The following POLRMT variants were observed in gnomAD, a reference collection of about 807,000 sequenced individuals.
POLRMT encodes the protein RNA polymerase mitochondrial, also known as DNA-directed RNA polymerase, mitochondrial.
In POLRMT, 114 loss-of-function variants were observed where a neutral mutation model predicts 132.2. The ratio of observed to expected loss-of-function variants is 0.86; its 90% CI spans 0.74 to 1.01. The LOEUF is 1.01. Ranked by LOEUF, POLRMT falls within the 50% of genes least tolerant of loss-of-function variation. The probability of loss-of-function intolerance (pLI) is 0.00; values close to 1 mark genes in which losing one functional copy is unlikely to be tolerated. For synonymous variants in POLRMT, 1,020 were observed against 773.4 expected, an observed-to-expected ratio of 1.32 and a Z score of -5.29; for missense variants, 2,003 against 1,729.1, an observed-to-expected ratio of 1.16 and a Z score of -2.81.
chr19:620,267 A>C, intron 11 of POLRMT, 98 bp downstream of exon 11: 1 of 1,461,638 alleles, frequency 6.8e-7, no homozygotes, highest in Non-Finnish European at 9.1e-7. Context: ...CCACCTCCAG[A>C]GAATACCACG....
intron 9 of POLRMT, 21 bp downstream of exon 9, chr19:622,128 C>A: frequency 6.6e-7 from 1 of 1,526,582 alleles, no homozygotes; most frequent in African/African-American, 1.4e-5. Context: ...CCCCCCAGCT[C>A]AGGAGGGCAC....
In POLRMT at chr19:621,028, G is replaced by C; in HGVS notation, c.2640+30C>G. The C allele has an allele frequency of 1.9e-6, 3 of 1,545,992 alleles. 1 individual carries two copies. The South Asian group carries it at 3.6e-5, about 18-fold the overall frequency. On this transcript the variant is annotated intron_variant, in intron 10 of 20. Coordinates refer to ENST00000588649, the MANE Select transcript of POLRMT (RefSeq NM_005035.4). ...GGGGGAGGGCGCGGGGGTGCCGGGA[G>C]GGCGGGGAATGCGGGGGCCCCGCCC...
chr19:620,364 C>G lies in POLRMT; in HGVS notation c.2763+1G>C, dbSNP rs895488686. On this transcript the variant is annotated splice_donor_variant, in intron 11 of 20. Transcript: ENST00000588649. LOFTEE classifies it high-confidence loss of function. ...TCGGGGGCCAGACCCAGCTGGCTCA[C>G]CTGATGGACGGGGAGGTGGGAGACA... 1 of 1,572,796 alleles carries G rather than the reference C, an allele frequency of 6.4e-7. No homozygotes were observed. Among genetic ancestry groups the G allele is most frequent in the Non-Finnish European group, 8.6e-7 (1 of 1,159,990 alleles).
At position 621,347 on chromosome 19, in the gene POLRMT, G is replaced by A. The variant is rs780661424; in HGVS notation, c.2351C>T (p.Ser784Leu). Residue 784 changes from serine (S) to leucine (L), a missense_variant, in exon 10 of 21, where the codon TCG becomes TTG. Transcript: ENST00000588649. ...GCGGTCCCGCAGGTGCTGCGCCAGC[G>A]AGAGGCGGTACAGCGCCTCCGCCCG... Reference protein sequence around the residue: ...SLRAEALYRLSLAQHLRDRVF... With the variant: ...SLRAEALYRLLLAQHLRDRVF... 13 of 1,584,042 alleles carry A rather than the reference G, an allele frequency of 8.2e-6. No homozygotes were observed. Among genetic ancestry groups the A allele is most frequent in the Non-Finnish European group, 1.1e-5 (13 of 1,173,038 alleles).
In POLRMT at chr19:633,439, A is replaced by G. The variant is rs745877373; in HGVS notation, c.74T>C (p.Leu25Pro). ...RALRPCGRPG[L>P]PGKEGTAGGV... is the part of the protein sequence containing the mutation. ...CTTTGTGTTACCTTCTTTGCCGGGG[A>G]GTCCCGGGCGGCCGCAAGGCCGTAG... Residue 25 changes from leucine to proline, a missense_variant, in exon 1 of 21, where the codon CTC (leucine) becomes CCC (proline). Coordinates refer to ENST00000588649, the MANE Select transcript of POLRMT (RefSeq NM_005035.4). 3.8e-5 allele frequency: 59 copies of G among 1,552,614 alleles called. No homozygotes were observed. In the African/African-American group the frequency reaches 6.8e-4, roughly 18 times the overall value.
chr19:632,122 G>C (rs1035565668), intron 2 of POLRMT, among the ~76,000 whole-genome samples: 1 of 148,952 alleles, frequency 6.7e-6, no homozygotes, highest in African/African-American at 2.4e-5. Context: ...CAAAAGTGCT[G>C]GGAGTACAGG....
At chr19:628,196 C>T (rs1336507683) in intron 3 of POLRMT, among the ~76,000 whole-genome samples, 5 of 152,170 alleles carry the variant, frequency 3.3e-5, no homozygotes, top group Admixed American at 1.3e-4. Context: ...CTTCTGGGCT[C>T]GTGCTAAGAG....
chr19:622,964 G>C lies in POLRMT; in HGVS notation c.1312C>G (p.Arg438Gly). The part of the protein sequence containing the change: ...KHARKTLKTL[R>G]DQWEKALCRA... ...CACAGTGCTTTCTCCCATTGGTCCC[G>C]CAGGGTCTTCAGGGTCTTCCGCTGC... Residue 438 changes from arginine to glycine, a missense_variant, in exon 7 of 21, where the codon CGG (arginine) becomes GGG (glycine). Transcript: ENST00000588649. The C allele has an allele frequency of 2.5e-6, 4 of 1,612,742 alleles. No homozygotes were observed. Among genetic ancestry groups the C allele is most frequent in the Non-Finnish European group, 3.4e-6 (4 of 1,179,852 alleles).
intron 3 of POLRMT, among the ~76,000 whole-genome samples, chr19:626,898 C>CACACACACACACAT (rs371959370): frequency 6.8e-5 from 10 of 146,702 alleles, no homozygotes; most frequent in South Asian, 6.4e-4. Flanking sequence ...CACACACACA[C>CACACACACACACAT]ATATATATAT....
rs762074451 is a variant in POLRMT at position 633,522 on chromosome 19, C to G, written c.-10G>C. The stretch of plus-strand genomic sequence containing the variant: ...AGCAAAGTGCCGACATTACGCACGC[C>G]GCTCCAGGCCACCCCACCGGCCCGC... On this transcript the variant is annotated 5_prime_UTR_variant, in exon 1 of 21. Coordinates refer to ENST00000588649, the MANE Select transcript of POLRMT (RefSeq NM_005035.4). The G allele has an allele frequency of 1.4e-6, 2 of 1,452,676 alleles. No homozygotes were observed. Among genetic ancestry groups the G allele is most frequent in the South Asian group, 1.8e-5 (1 of 56,094 alleles). The allele number at this position is 1,452,676 out of a possible 1,614,324, so 90.0% of individuals were successfully genotyped here.
In POLRMT at chr19:617,837, G is replaced by T. The variant is rs75913143; in HGVS notation, c.3435C>A (p.Thr1145=). ...TALHCYRKGL[T]FVSVHDCYWT... is the part of the protein sequence containing the mutation. ...AGTAACAGTCGTGCACAGAGACGAA[G>T]GTCAGGCCCTTCCTGTGGCAGAGCG... The change falls in exon 18 of 21, where the codon ACC becomes ACA. Residue 1145 remains threonine, a synonymous_variant. Transcript: ENST00000588649. 4.0e-5 allele frequency: 65 copies of T among 1,613,230 alleles called. 1 individual carries two copies. The African/African-American group carries it at 6.4e-4, about 16-fold the overall frequency.
chr19:617,955 GCCCACCCTCCTGCAGGCCTCGC>G, intron 17 of POLRMT, 106 bp from the exon 18 acceptor site: 1 of 1,035,712 alleles, frequency 9.7e-7, no homozygotes, highest in South Asian at 1.4e-5. Context: ...GTCCAGGGAA[GCCCACCCTCCTGCAGGCCTCGC>G]CCCACCCCTC....
At chr19:626,696 C>CAAAA (rs59746130) in intron 3 of POLRMT, among the ~76,000 whole-genome samples, 30,213 of 104,760 alleles carry the variant, frequency 0.29, 5,435 homozygotes, top group South Asian at 0.39. Flanking sequence ...ACTAAAAATA[C>CAAAA]AAAAAAAAAA....
chr19:619,661 C>A lies in POLRMT; in HGVS notation c.2991G>T (p.Val997=), dbSNP rs1434591665. 1 of 1,610,614 alleles carries A rather than the reference C, an allele frequency of 6.2e-7. No individual in the cohort carries two copies. The highest frequency in any genetic ancestry group is 8.5e-7 in the Non-Finnish European group (1 of 1,179,574). The part of the protein sequence containing the change: ...RKVVKQTVMT[V]VYGVTRYGGR... ...CGCCATAGCGCGTGACCCCGTACAC[C>A]ACCGTCATCACCGTCTGCTTCACCA... The change falls in exon 13 of 21, where the codon GTG becomes GTT. Residue 997 remains valine, a synonymous_variant. Coordinates refer to ENST00000588649, the MANE Select transcript of POLRMT (RefSeq NM_005035.4).
At position 621,256 on chromosome 19, in the gene POLRMT, G is replaced by A; in HGVS notation, c.2442C>T (p.Asn814=). 4 of 1,608,620 alleles carry A rather than the reference G, an allele frequency of 2.5e-6. No individual in the cohort carries two copies. Among genetic ancestry groups the A allele is most frequent in the Non-Finnish European group, 3.4e-6 (4 of 1,178,068 alleles). The change falls in exon 10 of 21, where the codon AAC becomes AAT. Residue 814 remains asparagine, a synonymous_variant. Coordinates refer to ENST00000588649, the MANE Select transcript of POLRMT (RefSeq NM_005035.4). Reference sequence around the variant, plus strand: ...CCCGCGCCACGTCGCTGCCCAGGTGGTTGAAGTGCGGCGGGCAGGGGTAGG... The same window carrying A: ...CCCGCGCCACGTCGCTGCCCAGGTGATTGAAGTGCGGCGGGCAGGGGTAGG... ...GRTYPCPPHF[N]HLGSDVARAL... is the part of the protein sequence containing the mutation.
At chr19:631,574 G>A (rs145176510) in intron 2 of POLRMT, among the ~76,000 whole-genome samples, 21,058 of 151,850 alleles carry the variant, frequency 0.14, 1,637 homozygotes, top group South Asian at 0.19. Flanking sequence ...GGGAGGCGGA[G>A]GCTGCAGTGA....
Position 625,152 on chromosome 19 carries a change from G to C in POLRMT, c.925C>G (p.Gln309Glu). 1.2e-6 allele frequency: 2 copies of C among 1,613,712 alleles called. No homozygotes were observed. The highest frequency in any genetic ancestry group is 2.7e-5 in the African/African-American group (2 of 75,042). The change falls in exon 4 of 21, where the codon CAG becomes GAG. Residue 309 changes from glutamine to glutamate, a missense_variant. By Grantham distance (29) the Gln-to-Glu change is conservative. Transcript: ENST00000588649. ...YAAALQCMGR[Q>E]DQDAGTIERC... ...TCGATGGTCCCGGCGTCCTGGTCCT[G>C]CCTCCCCATGCACTGGAGGGCAGCC...
Position 622,628 on chromosome 19 carries a change from T to C in POLRMT, c.1580A>G (p.Gln527Arg), listed in dbSNP as rs781303761. Residue 527 changes from glutamine to arginine, a missense_variant, in exon 8 of 21, where the codon CAG becomes CGG. Gln to Arg is a conservative substitution (Grantham distance 43). Coordinates refer to ENST00000588649, the MANE Select transcript of POLRMT (RefSeq NM_005035.4). ...QRVSGQVQAL[Q>R]NHYRKYLCLL... ...GCAGAGGTACTTCCTGTAGTGGTTC[T>C]GCAGCGCCTGCACCTGGCCACTGAC... 4.9e-5 allele frequency: 78 copies of C among 1,607,394 alleles called. No individual in the cohort carries two copies. The highest frequency in any genetic ancestry group is 6.2e-5 in the Non-Finnish European group (73 of 1,178,442).
At chr19:620,128 C>T (rs763461048) in intron 11 of POLRMT, 48 bp from the exon 12 acceptor site, 43 of 1,529,664 alleles carry the variant, frequency 2.8e-5, no homozygotes, top group Non-Finnish European at 3.2e-5. Context: ...GAGGCAGAGA[C>T]GTGTGGGACC....
Sources: allele counts gnomAD v4.1 joint callset (sites outside exome capture counted in the v4.1 genomes callset), GRCh38; gene constraint gnomAD v4.1.1; transcripts MANE v1.5; gene names NCBI Gene and HGNC (gene_info 2026-07-23, HGNC 2026-07-21).